ADGRB2: variants seen among roughly 807,000 people sequenced by gnomAD.
ADGRB2 encodes adhesion G protein-coupled receptor B2, also known as brain-specific angiogenesis inhibitor 2.
Under a neutral mutation model 178.7 loss-of-function variants are expected in ADGRB2, and 47 were observed. The ratio of observed to expected loss-of-function variants is 0.26; its 90% CI spans 0.21 to 0.34. The LOEUF is 0.34. Ranked by LOEUF, ADGRB2 falls within the 10% of genes least tolerant of loss-of-function variation. The probability of loss-of-function intolerance (pLI) is 1.00; values close to 1 mark genes in which losing one functional copy is unlikely to be tolerated. For missense variants in ADGRB2, 1,584 were observed against 2,180.8 expected, an observed-to-expected ratio of 0.73 and a Z score of 5.45; for synonymous variants, 870 against 912.4, an observed-to-expected ratio of 0.95 and a Z score of 0.84.
Position 31,731,089 on chromosome 1 carries a change from C to A in ADGRB2, c.4091G>T (p.Gly1364Val). The A allele has an allele frequency of 1.1e-5, 18 of 1,575,168 alleles. No individual in the cohort carries two copies. Among genetic ancestry groups the A allele is most frequent in the Non-Finnish European group, 1.6e-5 (18 of 1,160,778 alleles). Residue 1364 changes from glycine to valine, a missense_variant, in exon 29 of 33, where the codon GGC becomes GTC. Physicochemically the swap from Gly to Val is moderately radical, Grantham distance 109. Around this residue, in one of 3 missense-constraint regions of ADGRB2, gnomAD observed 865 missense variants for 1,192.8 expected, o/e 0.73. Coordinates refer to ENST00000373658, the MANE Select transcript of ADGRB2 (RefSeq NM_001364857.2). ...LPRRTLSLQP[G>V]GGGGGGEDAP... ...ATCCTCACCACCTCCACCCCCACCG[C>A]CAGGCTGCAGGCTCAAAGTCCGCCG...
intron 6 of ADGRB2, 109 bp from the exon 7 acceptor site, chr1:31,743,111 C>T (rs1646073360): frequency 8.1e-7 from 1 of 1,233,636 alleles, no homozygotes; most frequent in Admixed American, 3.7e-5. Flanking sequence ...GCGGCTGCTC[C>T]TCATTGGCTC....
rs1645819395 is a variant in ADGRB2, at chr1:31,739,575, C to T, written c.2228G>A (p.Arg743Gln). Reference sequence around the variant, plus strand: ...CCAGTCCTTCATGCCCCGGCGGCCCCGCATGGGGAACGTGATGTCACTGGA... The same window carrying T: ...CCAGTCCTTCATGCCCCGGCGGCCCTGCATGGGGAACGTGATGTCACTGGA... ...AVSSDITFPMRGRRGMKDWVR... is the reference protein window; with the variant it reads ...AVSSDITFPMQGRRGMKDWVR... Residue 743 changes from arginine (R) to glutamine (Q), a missense_variant, in exon 15 of 33, where the codon CGG becomes CAG. Arg to Gln is a conservative substitution (Grantham distance 43, BLOSUM62 1). Coordinates refer to ENST00000373658, the MANE Select transcript of ADGRB2 (RefSeq NM_001364857.2). 1 of 1,611,280 alleles carries T rather than the reference C, an allele frequency of 6.2e-7. No homozygotes were observed. The highest frequency in any genetic ancestry group is 8.5e-7 in the Non-Finnish European group (1 of 1,178,902).
chr1:31,728,306 T>C lies in ADGRB2; in HGVS notation c.4417-26A>G, dbSNP rs748587964. The C allele has an allele frequency of 6.2e-7, 1 of 1,608,762 alleles. No individual in the cohort carries two copies. The highest frequency in any genetic ancestry group is 1.1e-5 in the South Asian group (1 of 90,842). On this transcript the variant is annotated intron_variant, in intron 30 of 32. Coordinates refer to ENST00000373658, the MANE Select transcript of ADGRB2 (RefSeq NM_001364857.2). The surrounding 1 kb of genome is among the most constrained non-coding windows in gnomAD (Gnocchi z 6.7). ...CTAGGGGCCACAGGGCATCAGAGGG[T>C]CGCTCCCCGGGGCAGCACCATGATC...
At position 31,756,417 on chromosome 1, in the gene ADGRB2, C is replaced by T. The variant is rs775257422; in HGVS notation, c.420G>A (p.Glu140=). Residue 140 remains glutamate (E), a synonymous_variant, in exon 4 of 33, where the codon GAG becomes GAA. Transcript: ENST00000373658. The surrounding 1 kb of genome is among the most constrained non-coding windows in gnomAD (Gnocchi z 8.5). ...TAAAGGGGCCTGAGCCGCTGCACAG[C>T]TCCAACCCCGCTGCCGCCTCTGCCT... ...EEEAEAAAGL[E]LCSGSGPFTF... 6.2e-7 allele frequency: 1 copy of T among 1,612,656 alleles called. No homozygotes were observed. The highest frequency in any genetic ancestry group is 8.5e-7 in the Non-Finnish European group (1 of 1,179,732).
rs745905067 is a variant in ADGRB2 at position 31,735,495 on chromosome 1, G to A, written c.3353+85C>T. On this transcript the variant is annotated intron_variant, in intron 24 of 32. Coordinates refer to ENST00000373658, the MANE Select transcript of ADGRB2 (RefSeq NM_001364857.2). The surrounding 1 kb of genome is among the most constrained non-coding windows in gnomAD (Gnocchi z 6.0). The stretch of plus-strand genomic sequence containing the variant: ...GTTGGGGAGCCCCGGTCGCATCATC[G>A]AGCCCTGAGTCTCCAAGAGCACCCA... 6.6e-6 allele frequency: 10 copies of A among 1,510,982 alleles called. No homozygotes were observed. Among genetic ancestry groups the A allele is most frequent in the East Asian group, 2.4e-5 (1 of 42,454 alleles). The allele number at this position is 1,510,982 out of a possible 1,614,324, so 93.6% of individuals were successfully genotyped here.
In ADGRB2 at chr1:31,764,148, C is replaced by A. The variant is rs1438940406; in HGVS notation, c.-455G>T. ...GCCGCCTCCTTGCCGCGCCGCCCCCCGCTCCCCCGCTCCCCCGCCCCGAGC... is the reference window on the plus strand; with the variant it reads ...GCCGCCTCCTTGCCGCGCCGCCCCCAGCTCCCCCGCTCCCCCGCCCCGAGC... On this transcript the variant is annotated 5_prime_UTR_variant, in exon 1 of 33. Transcript: ENST00000373658. This position sits in a 1 kb window ranked among gnomAD's most constrained non-coding sequence, Gnocchi z 7.3. The A allele has an allele frequency of 4.7e-6, 3 of 643,030 alleles. No homozygotes were observed. The highest frequency in any genetic ancestry group is 5.8e-6 in the Non-Finnish European group (3 of 521,540). The allele number at this position is 643,030 out of a possible 1,614,324, so 39.8% of individuals were successfully genotyped here.
At position 31,740,954 on chromosome 1, in the gene ADGRB2, A is replaced by C. The variant is rs12033812; in HGVS notation, c.1795-413T>G. Among the ~76,000 whole-genome samples the C allele has an allele frequency of 0.072, 10,666 of 148,520 alleles. 600 individuals are homozygous for C. Among genetic ancestry groups the C allele is most frequent in the African/African-American group, 0.16 (6,370 of 40,570 alleles). On this transcript the variant is annotated intron_variant, in intron 11 of 32. Coordinates refer to ENST00000373658, the MANE Select transcript of ADGRB2 (RefSeq NM_001364857.2). The surrounding 1 kb of genome is among the most constrained non-coding windows in gnomAD (Gnocchi z 5.9). ...TCTTTCTCTCTCTCACTCTCTCTCA[A>C]CACAAGCTCTAAATGCATTCACACA...
rs1288537611 is a variant in ADGRB2, at chr1:31,754,070, G to A, written c.838+1929C>T. Among the ~76,000 whole-genome samples, 8 of 152,208 alleles carry A rather than the reference G, an allele frequency of 5.3e-5. No homozygotes were observed. The highest frequency in any genetic ancestry group is 1.0e-4 in the Non-Finnish European group (7 of 68,036). On this transcript the variant is annotated intron_variant, in intron 4 of 32. Coordinates refer to ENST00000373658, the MANE Select transcript of ADGRB2 (RefSeq NM_001364857.2). The surrounding 1 kb of genome is among the most constrained non-coding windows in gnomAD (Gnocchi z 5.7). ...CCCAGCTCAGGGCTCCCTGCTCAGA[G>A]AGACACCTGGCCTCATGCCCAGGAA...
Position 31,756,552 on chromosome 1 carries a change from G to A in ADGRB2, c.285C>T (p.Pro95=). Reference sequence around the variant, plus strand: ...GGTAGTGGTCCAGGGGCAGCAGGCGGGGGGCAAAGTGTGCGCACACCTGCT... The same window carrying A: ...GGTAGTGGTCCAGGGGCAGCAGGCGAGGGGCAAAGTGTGCGCACACCTGCT... ...RQEQVCAHFA[P]RLLPLDHYLV... The change falls in exon 4 of 33, where the codon CCC becomes CCT. Residue 95 remains proline, a synonymous_variant. Transcript: ENST00000373658. This position sits in a 1 kb window ranked among gnomAD's most constrained non-coding sequence, Gnocchi z 8.5. 6.2e-7 allele frequency: 1 copy of A among 1,613,308 alleles called. No homozygotes were observed. Among genetic ancestry groups the A allele is most frequent in the Non-Finnish European group, 8.5e-7 (1 of 1,179,618 alleles).
intron 4 of ADGRB2, among the ~76,000 whole-genome samples, chr1:31,748,416 G>A (rs1328089831): frequency 1.3e-5 from 2 of 152,362 alleles, no homozygotes; most frequent in East Asian, 1.9e-4. Flanking sequence ...TTCCCACACA[G>A]GGGAAGGCTG....
Position 31,739,419 on chromosome 1 carries a change from C to A in ADGRB2, c.2384G>T (p.Gly795Val), listed in dbSNP as rs1392836597. The A allele has an allele frequency of 6.4e-7, 1 of 1,569,886 alleles. No individual in the cohort carries two copies. The highest frequency in any genetic ancestry group is 8.6e-7 in the Non-Finnish European group (1 of 1,158,358). ...GAGGCGCTGGTGGGAGTGGCCTGGG[C>A]CAGGAGGCACCGTTCCTGGGCCCCT... ...RGRGPGTVPPGPGHSHQRLLP... is the reference protein window; with the variant it reads ...RGRGPGTVPPVPGHSHQRLLP... Residue 795 changes from glycine to valine, a missense_variant, in exon 15 of 33, where the codon GGC becomes GTC. This residue lies in a region of ADGRB2 where 865 missense variants were observed against 1,192.8 expected (regional missense o/e 0.73). Coordinates refer to ENST00000373658, the MANE Select transcript of ADGRB2 (RefSeq NM_001364857.2).
chr1:31,747,158 C>T (rs1646319920), intron 4 of ADGRB2, among the ~76,000 whole-genome samples: 1 of 152,102 alleles, frequency 6.6e-6, no homozygotes, highest in Non-Finnish European at 1.5e-5. Context: ...CTGACTCGTC[C>T]TCCCTTGAAG....
chr1:31,755,581 T>C lies in ADGRB2; in HGVS notation c.838+418A>G, dbSNP rs1646790247. ...CTACTCCAGCCTCCAGGCAAACTTG[T>C]CAACTTGCAGCGCCAGGGCCTGCCA... On this transcript the variant is annotated intron_variant, in intron 4 of 32. Coordinates refer to ENST00000373658, the MANE Select transcript of ADGRB2 (RefSeq NM_001364857.2). This position sits in a 1 kb window ranked among gnomAD's most constrained non-coding sequence, Gnocchi z 5.1. Among the ~76,000 whole-genome samples the C allele has an allele frequency of 6.6e-6, 1 of 152,080 alleles. No homozygotes were observed. Among genetic ancestry groups the C allele is most frequent in the Non-Finnish European group, 1.5e-5 (1 of 68,010 alleles).
chr1:31,732,707 A>G (rs1645355118), intron 26 of ADGRB2, 95 bp from the exon 27 acceptor site: 1 of 1,410,160 alleles, frequency 7.1e-7, no homozygotes, highest in African/African-American at 1.4e-5. Flanking sequence ...AGGCAAGTGT[A>G]GAAGGAAGGC....
rs1469383427 is a variant in ADGRB2 at position 31,735,123 on chromosome 1, T to C, written c.3452+60A>G. ...CTCCTCCTCCCCCCACCATGGGCAC[T>C]GCCCCCCCCAATTCCTTTGCCCCAC... On this transcript the variant is annotated intron_variant, in intron 25 of 32. Coordinates refer to ENST00000373658, the MANE Select transcript of ADGRB2 (RefSeq NM_001364857.2). This position sits in a 1 kb window ranked among gnomAD's most constrained non-coding sequence, Gnocchi z 6.0. 2.0e-5 allele frequency: 12 copies of C among 590,360 alleles called. No homozygotes were observed. The highest frequency in any genetic ancestry group is 2.8e-5 in the South Asian group (1 of 35,614). The allele number at this position is 590,360 out of a possible 1,614,324, so 36.6% of individuals were successfully genotyped here. A position where few individuals can be genotyped will look rare whatever the true frequency, so the allele number is the denominator to read the frequency against.
chr1:31,743,926 C>G (rs1439530119), intron 6 of ADGRB2, among the ~76,000 whole-genome samples: 1 of 152,220 alleles, frequency 6.6e-6, no homozygotes, highest in African/African-American at 2.4e-5. Flanking sequence ...GGTAAAAACA[C>G]GAGCCTTGGT....
In ADGRB2 at chr1:31,727,336, G is replaced by A. The variant is rs922724659; in HGVS notation, c.*84C>T. The stretch of plus-strand genomic sequence containing the variant: ...CAGCCCTCGGGAGAGGGGAGAGGGC[G>A]CTGGCTCCTGGGTAGTTCCAAAGTG... On this transcript the variant is annotated 3_prime_UTR_variant, in exon 33 of 33. Transcript: ENST00000373658. This position sits in a 1 kb window ranked among gnomAD's most constrained non-coding sequence, Gnocchi z 4.4. 1.5e-5 allele frequency: 21 copies of A among 1,437,362 alleles called. No individual in the cohort carries two copies. The East Asian group carries it at 1.8e-4, about 12-fold the overall frequency. The allele number at this position is 1,437,362 out of a possible 1,614,324, so 89.0% of individuals were successfully genotyped here.
At chr1:31,763,216 G>T (rs986403167) in intron 1 of ADGRB2, among the ~76,000 whole-genome samples, 14 of 150,724 alleles carry the variant, frequency 9.3e-5, no homozygotes, top group African/African-American at 3.2e-4. Flanking sequence ...AGACACGGGG[G>T]ACACGGCCCC....
At chr1:31,742,795 G>C in intron 7 of ADGRB2, 43 bp downstream of exon 7, 1 of 1,383,686 alleles carries the variant, frequency 7.2e-7, no homozygotes, top group South Asian at 1.7e-5. Context: ...ACCCCCCACC[G>C]GGCTGGGCAG....
Sources: gnomAD v4.1 joint callset for allele counts (sites outside exome capture counted in the v4.1 genomes callset) on GRCh38, gnomAD v4.1.1 for gene constraint, gnomAD v4.1.1 regional missense constraint, Gnocchi (gnomAD v3.1) non-coding constraint, MANE v1.5 for transcripts, NCBI Gene and HGNC (gene_info 2026-07-23, HGNC 2026-07-21) for gene names.